The following UGT2A1 variants were observed in gnomAD, a reference collection of about 807,000 sequenced individuals.
The protein encoded by UGT2A1 is UDP glucuronosyltransferase family 2 member A1 complex locus.
In UGT2A1, 61 loss-of-function variants were observed where a neutral mutation model predicts 45.4. That is an observed-to-expected ratio of 1.34 (90% CI 1.09 to 1.66). The LOEUF (loss-of-function observed/expected upper bound fraction) is 1.66, where lower values mean the gene tolerates loss of function less well. UGT2A1 is among the 40% of genes most tolerant of loss of function. UGT2A1 has a pLI of 0.00. For missense variants in UGT2A1, 649 were observed against 574.3 expected (o/e 1.13, Z -1.33); for synonymous variants, 229 against 196.2 (o/e 1.17, Z -1.40).
intron 6 of UGT2A1, among the ~76,000 whole-genome samples, chr4:69,591,317 A>G (rs1718585470): frequency 6.6e-6 from 1 of 152,144 alleles, no homozygotes. Flanking sequence ...TAAGAAATAC[A>G]TTGGTTTGGT....
intron 2 of UGT2A1, among the ~76,000 whole-genome samples, chr4:69,646,647 T>C (rs781658779): frequency 5.9e-5 from 9 of 151,860 alleles, no homozygotes; most frequent in Admixed American, 2.0e-4. Context: ...AGCATAATTA[T>C]CTACATGAGA....
intron 2 of UGT2A1, chr4:69,639,384 G>T (rs757807657): frequency 1.9e-6 from 3 of 1,613,538 alleles, no homozygotes; most frequent in Non-Finnish European, 2.5e-6. Context: ...CTTCTTGTAG[G>T]AAACAGGTAT....
chr4:69,594,728 G>A (rs1484354949), intron 5 of UGT2A1, 32 bp from the exon 6 acceptor site: 3 of 1,594,414 alleles, frequency 1.9e-6, no homozygotes, highest in African/African-American at 2.7e-5. Context: ...AAGTGGGTGT[G>A]TAATAATAAC....
intron 3 of UGT2A1, among the ~76,000 whole-genome samples, chr4:69,610,923 C>G (rs1006961646): frequency 6.6e-6 from 1 of 152,080 alleles, no homozygotes; most frequent in Non-Finnish European, 1.5e-5. Flanking sequence ...CTTTTTCATA[C>G]CCAGTATAAC....
At chr4:69,634,708 T>C (rs1372814221) in intron 3 of UGT2A1, among the ~76,000 whole-genome samples, 1 of 152,116 alleles carries the variant, frequency 6.6e-6, no homozygotes, top group Non-Finnish European at 1.5e-5. Flanking sequence ...TTTGATAAAA[T>C]TCATCATCCT....
At chr4:69,626,882 T>C (rs1424921329) in intron 3 of UGT2A1, among the ~76,000 whole-genome samples, 1 of 151,834 alleles carries the variant, frequency 6.6e-6, no homozygotes, top group African/African-American at 2.4e-5. Flanking sequence ...GTAGTTCCTG[T>C]ATTCTTTTGA....
intron 3 of UGT2A1, among the ~76,000 whole-genome samples, chr4:69,626,754 A>C (rs778903478): frequency 2.4e-4 from 37 of 151,956 alleles, no homozygotes; most frequent in Non-Finnish European, 3.4e-4. Flanking sequence ...TGTTCATTGA[A>C]CTGTTTATAC....
chr4:69,642,616 G>A (rs1578005827), intron 2 of UGT2A1, among the ~76,000 whole-genome samples: 1 of 151,658 alleles, frequency 6.6e-6, no homozygotes, highest in East Asian at 1.9e-4. Flanking sequence ...CTCATGCTTA[G>A]TGAGCCCACA....
intron 3 of UGT2A1, among the ~76,000 whole-genome samples, chr4:69,622,100 C>G (rs1032386392): frequency 6.6e-6 from 1 of 151,742 alleles, no homozygotes; most frequent in African/African-American, 2.4e-5. Context: ...GTACAACCAA[C>G]CCCTGTGTAC....
At chr4:69,633,884 G>C (rs1031705227) in intron 3 of UGT2A1, among the ~76,000 whole-genome samples, 2 of 152,054 alleles carry the variant, frequency 1.3e-5, no homozygotes, top group African/African-American at 4.8e-5. Context: ...CAAGGGTGGG[G>C]TTACTTCGTG....
rs567114091 is a variant in UGT2A1, at chr4:69,653,170, A to T, written c.-55+18T>A. 1 of 152,318 alleles carries T rather than the reference A, an allele frequency of 6.6e-6. No homozygotes were observed. Among genetic ancestry groups the T allele is most frequent in the South Asian group, 2.1e-4 (1 of 4,822 alleles). The allele number at this position is 152,318 out of a possible 1,614,324, so 9.4% of individuals were successfully genotyped here. On this transcript the variant is annotated intron_variant, in intron 1 of 6. Coordinates refer to ENST00000286604, the MANE Select transcript of UGT2A1 (RefSeq NM_001252275.3). Reference sequence around the variant, plus strand: ...ATACATTTTATATTGATTATCATGAAGTTTTCTAGTTTCTTACCTGAAGTT... The same window carrying T: ...ATACATTTTATATTGATTATCATGATGTTTTCTAGTTTCTTACCTGAAGTT...
At chr4:69,592,790 G>T (rs1718664192) in intron 6 of UGT2A1, among the ~76,000 whole-genome samples, 1 of 151,612 alleles carries the variant, frequency 6.6e-6, no homozygotes, top group Non-Finnish European at 1.5e-5. Context: ...GAAATAAAAG[G>T]CATTCAAAGA....
intron 5 of UGT2A1, 146 bp downstream of exon 5, chr4:69,595,016 C>G (rs998864929): frequency 8.5e-7 from 1 of 1,179,210 alleles, no homozygotes; most frequent in Non-Finnish European, 1.2e-6. Flanking sequence ...AAATTAATGG[C>G]CAATTATGTA....
intron 3 of UGT2A1, among the ~76,000 whole-genome samples, chr4:69,622,198 A>C (rs191682912): frequency 2.4e-4 from 37 of 152,010 alleles, no homozygotes; most frequent in African/African-American, 8.9e-4. Flanking sequence ...ATATGAGCTT[A>C]AAATAGCCAA....
chr4:69,649,800 G>A (rs2109983324), intron 1 of UGT2A1, among the ~76,000 whole-genome samples: 1 of 152,094 alleles, frequency 6.6e-6, no homozygotes, highest in South Asian at 2.1e-4. Flanking sequence ...ATGCCTGGAG[G>A]TGCACAGATA....
At chr4:69,612,538 TAGAC>T (rs1720126124) in intron 3 of UGT2A1, among the ~76,000 whole-genome samples, 2 of 89,478 alleles carry the variant, frequency 2.2e-5, no homozygotes, top group East Asian at 2.9e-4. Flanking sequence ...AAGAGACAGA[TAGAC>T]GAATGGAGCA....
intron 2 of UGT2A1, chr4:69,638,764 ATTGT>A: frequency 8.9e-7 from 1 of 1,117,546 alleles, no homozygotes; most frequent in Non-Finnish European, 1.2e-6. Flanking sequence ...TAATCAGGGA[ATTGT>A]TTGTACAGAG....
rs561402165 is a variant in UGT2A1, at chr4:69,605,022, A to G, written c.848-5628T>C. Among the ~76,000 whole-genome samples, 162 of 136,576 alleles carry G rather than the reference A, an allele frequency of 1.2e-3. 29 individuals are homozygous for G. Among genetic ancestry groups the G allele is most frequent in the Non-Finnish European group, 2.1e-3 (134 of 64,290 alleles). The allele number at this position is 136,576 out of a possible 152,430, so 89.6% of individuals were successfully genotyped here. Reference sequence around the variant, plus strand: ...CGTTAGACAGATCAATGAGACAGAAAGATAACAAGTATATCCAGGAATTGA... The same window carrying G: ...CGTTAGACAGATCAATGAGACAGAAGGATAACAAGTATATCCAGGAATTGA... On this transcript the variant is annotated intron_variant, in intron 3 of 6. Coordinates refer to ENST00000286604, the MANE Select transcript of UGT2A1 (RefSeq NM_001252275.3).
chr4:69,638,804 T>G, intron 2 of UGT2A1: 1 of 1,400,846 alleles, frequency 7.1e-7, no homozygotes, highest in Non-Finnish European at 9.5e-7. Context: ...TATCTTCAGC[T>G]CAGCATATGC....
Sources: allele counts gnomAD v4.1 joint callset (sites outside exome capture counted in the v4.1 genomes callset), GRCh38; gene constraint gnomAD v4.1.1; transcripts MANE v1.5; gene names NCBI Gene and HGNC (gene_info 2026-07-23, HGNC 2026-07-21).